The following TTLL11 variants were observed in gnomAD, a reference collection of about 807,000 sequenced individuals.
TTLL11 encodes tubulin polyglutamylase TTLL11.
In TTLL11, 42 loss-of-function variants were observed where a neutral mutation model predicts 51.7. That is an observed-to-expected ratio of 0.81 (90% CI 0.64 to 1.05). The LOEUF (loss-of-function observed/expected upper bound fraction) is 1.05. TTLL11 is among the 50% of genes least tolerant of loss of function. The pLI, the probability that TTLL11 is intolerant of heterozygous loss-of-function variation, is 0.00. For synonymous variants in TTLL11, 381 were observed against 383.5 expected (o/e 0.99, Z 0.08); for missense variants, 799 against 940.4 (o/e 0.85, Z 1.97).
Position 121,989,110 on chromosome 9 carries a change from C to T in TTLL11, c.1269+85G>A, listed in dbSNP as rs367628543. On this transcript the variant is annotated intron_variant, in intron 4 of 8. Transcript: ENST00000321582. The surrounding 1 kb of genome is among the most constrained non-coding windows in gnomAD (Gnocchi z 4.2). ...GTCCCCTCCTCTGGCCATCCCACCC[C>T]GATCACTCATCCTACACGAAGCCAG... 60 of 1,559,442 alleles carry T rather than the reference C, an allele frequency of 3.8e-5. No homozygotes were observed. Among genetic ancestry groups the T allele is most frequent in the Non-Finnish European group, 4.8e-5 (55 of 1,150,944 alleles).
At chr9:121,903,903 T>A (rs1470247826) in intron 6 of TTLL11, among the ~76,000 whole-genome samples, 1 of 152,136 alleles carries the variant, frequency 6.6e-6, no homozygotes, top group Non-Finnish European at 1.5e-5. Context: ...TTGAATGGAG[T>A]GACATTTATC....
At chr9:121,829,774 TACACACACACACAC>T (rs10536790) in intron 8 of TTLL11, among the ~76,000 whole-genome samples, 4 of 143,978 alleles carry the variant, frequency 2.8e-5, no homozygotes, top group Non-Finnish European at 3.0e-5. Context: ...ATAATTCAAG[TACACACACACACAC>T]ACACACACAC....
Position 122,093,272 on chromosome 9 carries a change from G to T in TTLL11, c.-124C>A, listed in dbSNP as rs920304836. On this transcript the variant is annotated 5_prime_UTR_variant, in exon 1 of 9. Coordinates refer to ENST00000321582, the MANE Select transcript of TTLL11 (RefSeq NM_001139442.2). The stretch of plus-strand genomic sequence containing the variant: ...CACGCGTTCCCCGCCCGAGCCCGTT[G>T]CCATGATCGCTCAGGCTCGGGTTGA... 8 of 1,552,508 alleles carry T rather than the reference G, an allele frequency of 5.2e-6. No homozygotes were observed. The highest frequency in any genetic ancestry group is 6.0e-6 in the Non-Finnish European group (7 of 1,159,916).
intron 1 of TTLL11, among the ~76,000 whole-genome samples, chr9:122,076,717 CAAA>C (rs577577338): frequency 3.0e-5 from 3 of 101,500 alleles, no homozygotes; most frequent in Non-Finnish European, 6.3e-5. Context: ...AGATCACCAT[CAAA>C]AAAAAAAAAA....
chr9:122,016,323 G>A (rs16911275), intron 3 of TTLL11, among the ~76,000 whole-genome samples: 22,576 of 152,090 alleles, frequency 0.15, 2,971 homozygotes, highest in African/African-American at 0.35. Context: ...GGGGACAAGC[G>A]TAGCTGCCGA....
chr9:121,840,305 A>G (rs1029101672), intron 8 of TTLL11, among the ~76,000 whole-genome samples: 9 of 152,206 alleles, frequency 5.9e-5, no homozygotes, highest in Non-Finnish European at 8.8e-5. Context: ...CCTCGGATGC[A>G]TGGAACACAG....
intron 8 of TTLL11, among the ~76,000 whole-genome samples, chr9:121,841,542 T>C (rs1390013419): frequency 1.3e-5 from 2 of 152,094 alleles, no homozygotes; most frequent in Non-Finnish European, 2.9e-5. Context: ...CACTCAGTCA[T>C]GTAAGGTCTC....
intron 1 of TTLL11, chr9:122,040,263 C>T (rs986337705): frequency 1.0e-5 from 8 of 767,570 alleles, no homozygotes; most frequent in East Asian, 2.6e-4. Context: ...CTCAGACCCG[C>T]GTGAGCCTGT....
At chr9:121,856,304 C>T (rs761019450) in intron 8 of TTLL11, among the ~76,000 whole-genome samples, 6 of 152,142 alleles carry the variant, frequency 3.9e-5, no homozygotes, top group Non-Finnish European at 7.3e-5. Flanking sequence ...AACTCCTAGC[C>T]TCAAGTAGTC....
chr9:121,977,495 G>A (rs1842737137), intron 4 of TTLL11, among the ~76,000 whole-genome samples: 2 of 152,038 alleles, frequency 1.3e-5, no homozygotes, highest in South Asian at 4.2e-4. Flanking sequence ...TGGCATTAGT[G>A]TGCTTTGTAG....
intron 8 of TTLL11, among the ~76,000 whole-genome samples, chr9:121,835,285 C>T (rs370698763): frequency 3.3e-5 from 5 of 152,198 alleles, no homozygotes; most frequent in African/African-American, 1.2e-4. Flanking sequence ...TGCCAATACT[C>T]ACATTGTTAG....
chr9:121,858,824 A>C (rs1837910483), intron 8 of TTLL11, among the ~76,000 whole-genome samples: 1 of 152,222 alleles, frequency 6.6e-6, no homozygotes, highest in African/African-American at 2.4e-5. Flanking sequence ...ATGACTTTTC[A>C]AGCTGACATG....
Position 121,822,630 on chromosome 9 carries a change from C to G in TTLL11, c.2090G>C (p.Ser697Thr). The G allele has an allele frequency of 6.7e-7, 1 of 1,483,112 alleles. No individual in the cohort carries two copies. 91.9% of individuals were successfully genotyped at this position (1,483,112 alleles called of 1,614,324 possible). Residue 697 changes from serine to threonine, a missense_variant, in exon 9 of 9, where the codon AGC (serine) becomes ACC (threonine). Around this residue, in one of 3 missense-constraint regions of TTLL11, gnomAD observed 165 missense variants for 166.1 expected, o/e 0.99. Coordinates refer to ENST00000321582, the MANE Select transcript of TTLL11 (RefSeq NM_001139442.2). The surrounding 1 kb of genome is among the most constrained non-coding windows in gnomAD (Gnocchi z 5.8). Reference protein sequence around the residue: ...PAGDNPPPRTSCANKLSHPRH... With the variant: ...PAGDNPPPRTTCANKLSHPRH... ...GGGATGGGAGAGCTTATTGGCACAG[C>G]TGGTGCGGGGTGGGGGGTTGTCCCC...
intron 1 of TTLL11, among the ~76,000 whole-genome samples, chr9:122,064,210 A>G (rs954078400): frequency 9.9e-5 from 15 of 152,242 alleles, no homozygotes; most frequent in Non-Finnish European, 4.4e-5. Context: ...AAGATATGCT[A>G]TCCACAGGAA....
At chr9:121,913,126 T>C (rs1453946880) in intron 6 of TTLL11, among the ~76,000 whole-genome samples, 1 of 152,188 alleles carries the variant, frequency 6.6e-6, no homozygotes, top group African/African-American at 2.4e-5. Context: ...TTTAGAAGTC[T>C]CCCGATGATT....
intron 2 of TTLL11, among the ~76,000 whole-genome samples, chr9:122,032,644 TCTC>T: frequency 6.9e-6 from 1 of 144,210 alleles, no homozygotes; most frequent in Non-Finnish European, 1.5e-5. Context: ...CAGGACTCCG[TCTC>T]AAAAAAAAAA....
At chr9:121,977,792 A>G (rs1354711134) in intron 4 of TTLL11, among the ~76,000 whole-genome samples, 1 of 151,052 alleles carries the variant, frequency 6.6e-6, no homozygotes, top group East Asian at 2.0e-4. Context: ...CTGCTGCCTC[A>G]GCCTCCCAAG....
chr9:121,830,167 G>A (rs892932958), intron 8 of TTLL11, among the ~76,000 whole-genome samples: 2 of 152,224 alleles, frequency 1.3e-5, no homozygotes, highest in African/African-American at 4.8e-5. Context: ...TGAGGACACT[G>A]AGGTAAGCCA....
At chr9:121,947,780 G>A (rs1024355768) in intron 6 of TTLL11, among the ~76,000 whole-genome samples, 1 of 152,184 alleles carries the variant, frequency 6.6e-6, no homozygotes, top group African/African-American at 2.4e-5. Context: ...GAGACTAACA[G>A]AAGTTACTTA....
Sources: allele counts gnomAD v4.1 joint callset (sites outside exome capture counted in the v4.1 genomes callset), GRCh38; gene constraint gnomAD v4.1.1; regional missense constraint gnomAD v4.1.1; non-coding constraint Gnocchi (gnomAD v3.1); transcripts MANE v1.5; gene names NCBI Gene and HGNC (gene_info 2026-07-23, HGNC 2026-07-21).